DDX11: variants seen among roughly 807,000 people sequenced by gnomAD.
The protein encoded by DDX11 is DEAD/H-box helicase 11, also known as ATP-dependent DNA helicase DDX11.
In DDX11, 72 loss-of-function variants were observed where a neutral mutation model predicts 125.2. The observed-to-expected ratio is 0.58, with a 90% CI of 0.48 to 0.70. DDX11 has a LOEUF of 0.70. Ranked by LOEUF, DDX11 falls within the 30% of genes least tolerant of loss-of-function variation. The pLI is 0.00. For synonymous variants in DDX11, 347 were observed against 452.6 expected, an observed-to-expected ratio of 0.77 and a Z score of 2.96; for missense variants, 883 against 1,165.0, an observed-to-expected ratio of 0.76 and a Z score of 3.52.
chr12:31,092,568 CT>C (rs5797399), intron 10 of DDX11, among the ~76,000 whole-genome samples: 81,179 of 151,158 alleles, frequency 0.54, 23,029 homozygotes, highest in East Asian at 0.82. Flanking sequence ...CCGGTGGAAA[CT>C]TAGCAGGGAG....
intron 18 of DDX11, among the ~76,000 whole-genome samples, chr12:31,100,058 G>A (rs1305761598): frequency 6.6e-6 from 1 of 152,206 alleles, no homozygotes; most frequent in Non-Finnish European, 1.5e-5. Context: ...CTCTGGATAG[G>A]CAGGCGCATG....
At chr12:31,092,226 G>A (rs1009529685) in intron 10 of DDX11, among the ~76,000 whole-genome samples, 14 of 151,988 alleles carry the variant, frequency 9.2e-5, no homozygotes, top group African/African-American at 3.4e-4. Context: ...GGACTGAATT[G>A]AGGAATGCTC....
rs138082776 is a variant in DDX11 at position 31,083,987 on chromosome 12, C to G, written c.319C>G (p.Pro107Ala). ...CGAAGGGGCTGCAGGCACCCCGAGG[C>G]CTGCTGGAGAACCGGCCTGGGTTAC... ...SCEGAAGTPR[P>A]AGEPAWVTQF... The change falls in exon 3 of 27, where the codon CCT (proline) becomes GCT (alanine). Residue 107 changes from proline (P) to alanine (A), a missense_variant. Physicochemically the swap from Pro to Ala is conservative, Grantham distance 27. Coordinates refer to ENST00000542838, the MANE Select transcript of DDX11 (RefSeq NM_030653.4). The G allele has an allele frequency of 1.9e-6, 3 of 1,613,826 alleles. No individual in the cohort carries two copies. The highest frequency in any genetic ancestry group is 1.7e-6 in the Non-Finnish European group (2 of 1,179,884).
In DDX11 at chr12:31,096,422, G is replaced by A. The variant is rs747256354; in HGVS notation, c.1521+43G>A. The A allele has an allele frequency of 3.3e-5, 54 of 1,612,814 alleles. No individual in the cohort carries two copies. In the East Asian group the frequency reaches 1.2e-3, roughly 35 times the overall value. On this transcript the variant is annotated intron_variant, in intron 15 of 26. Coordinates refer to ENST00000542838, the MANE Select transcript of DDX11 (RefSeq NM_030653.4). Reference sequence around the variant, plus strand: ...GTGGTCCTGAACAAGACCCAGCTGTGCCCCAACCCCCTGCCCTTGCCATGC... The same window carrying A: ...GTGGTCCTGAACAAGACCCAGCTGTACCCCAACCCCCTGCCCTTGCCATGC...
chr12:31,077,539 A>C (rs1463332101), intron 1 of DDX11, among the ~76,000 whole-genome samples: 1 of 152,012 alleles, frequency 6.6e-6, no homozygotes, highest in Non-Finnish European at 1.5e-5. Context: ...AAGCAAACTA[A>C]AGATACTTGT....
At chr12:31,078,237 C>T (rs1262998011) in intron 1 of DDX11, 153 bp from the exon 2 acceptor site, 8 of 1,558,768 alleles carry the variant, frequency 5.1e-6, no homozygotes, top group African/African-American at 1.4e-5. Flanking sequence ...GGACCTGCTG[C>T]GAAGGATGGA....
At chr12:31,097,721 A>G (rs1434664223) in intron 17 of DDX11, among the ~76,000 whole-genome samples, 164 bp from the exon 18 acceptor site, 1 of 147,530 alleles carries the variant, frequency 6.8e-6, no homozygotes, top group African/African-American at 2.5e-5. Context: ...AGTGTGGTCC[A>G]CCTCTGTGGG....
rs760876221 is a variant in DDX11, at chr12:31,096,871, C to T, written c.1643C>T (p.Pro548Leu). The T allele has an allele frequency of 3.1e-6, 5 of 1,614,212 alleles. No individual in the cohort carries two copies. The highest frequency in any genetic ancestry group is 4.2e-6 in the Non-Finnish European group (5 of 1,180,038). The change falls in exon 17 of 27, where the codon CCT becomes CTT. Residue 548 changes from proline (P) to leucine (L), a missense_variant. Coordinates refer to ENST00000542838, the MANE Select transcript of DDX11 (RefSeq NM_030653.4). Reference protein sequence around the residue: ...QPRTTEALAAPADESQASTLR... With the variant: ...QPRTTEALAALADESQASTLR... ...CTGCTCTGTGCAGCTCTTGCAGCCC[C>T]TGCAGACGAGAGTCAGGCCAGCACC...
intron 5 of DDX11, 46 bp from the exon 6 acceptor site, chr12:31,087,892 A>G (rs1171826882): frequency 6.3e-7 from 1 of 1,591,792 alleles, no homozygotes; most frequent in Non-Finnish European, 8.5e-7. Flanking sequence ...CGTTTTGCTG[A>G]GTTTGCTGAG....
At chr12:31,100,866 T>A in intron 19 of DDX11, 159 bp downstream of exon 19, 1 of 1,084,196 alleles carries the variant, frequency 9.2e-7, no homozygotes, top group Non-Finnish European at 1.4e-6. Flanking sequence ...CCTGCTTTGC[T>A]CCCTGCTGCC....
intron 1 of DDX11, 44 bp from the exon 2 acceptor site, chr12:31,078,346 T>G (rs749620384): frequency 2.5e-6 from 4 of 1,603,864 alleles, no homozygotes; most frequent in South Asian, 2.2e-5. Flanking sequence ...CACTTCTTCC[T>G]GGACCATGAG....
chr12:31,088,376 T>G (rs10843880), intron 6 of DDX11, among the ~76,000 whole-genome samples: 80,094 of 151,966 alleles, frequency 0.53, 22,118 homozygotes, highest in East Asian at 0.82. Flanking sequence ...TGTTCTGGGC[T>G]GAAATCTGGG....
chr12:31,091,146 A>AT (rs1246869372), intron 9 of DDX11: 1 of 152,130 alleles, frequency 6.6e-6, no homozygotes, highest in Non-Finnish European at 1.5e-5. Flanking sequence ...CCGATATTTT[A>AT]TTTTTTATAT....
In DDX11 at chr12:31,102,940, G is replaced by A; in HGVS notation, c.2377G>A (p.Val793Met). Residue 793 changes from valine to methionine, a missense_variant, in exon 24 of 27, where the codon GTG becomes ATG. Val to Met is a conservative substitution (Grantham distance 21). Transcript: ENST00000542838. ...INFSDNLGRC[V>M]VMVGMPFPNI... is the part of the protein sequence containing the mutation. Reference sequence around the variant, plus strand: ...GCTCTTGTCTCCCCCGCCCAGGTGTGTGGTGATGGTGGGCATGCCCTTCCC... The same window carrying A: ...GCTCTTGTCTCCCCCGCCCAGGTGTATGGTGATGGTGGGCATGCCCTTCCC... 2 of 1,613,976 alleles carry A rather than the reference G, an allele frequency of 1.2e-6. No individual in the cohort carries two copies. Among genetic ancestry groups the A allele is most frequent in the Non-Finnish European group, 1.7e-6 (2 of 1,179,850 alleles).
chr12:31,087,862 C>T (rs1258731733), intron 5 of DDX11, 76 bp from the exon 6 acceptor site: 91 of 1,538,892 alleles, frequency 5.9e-5, no homozygotes, highest in South Asian at 4.8e-5. Context: ...TCAGCACCAG[C>T]GCTCAGCAGA....
chr12:31,078,660 T>C (rs549992304), intron 2 of DDX11, 123 bp downstream of exon 2: 3 of 1,454,544 alleles, frequency 2.1e-6, no homozygotes, highest in South Asian at 1.2e-5. Flanking sequence ...TCTGTTTATC[T>C]GAGTAATAGT....
At chr12:31,074,957 CTG>C (rs1940492247) in intron 1 of DDX11, among the ~76,000 whole-genome samples, 1 of 152,354 alleles carries the variant, frequency 6.6e-6, no homozygotes, top group African/African-American at 2.4e-5. Flanking sequence ...GAGGACACAA[CTG>C]AGCCCACAAC....
In DDX11 at chr12:31,089,539, G is replaced by A. The variant is rs183006663; in HGVS notation, c.880+49G>A. ...GCCGCAGGTGGTCTGGAGAGAGTGAGGCAGGGGTGGCAGTGACTGAAGACC... is the reference window on the plus strand; with the variant it reads ...GCCGCAGGTGGTCTGGAGAGAGTGAAGCAGGGGTGGCAGTGACTGAAGACC... On this transcript the variant is annotated intron_variant, in intron 8 of 26. Transcript: ENST00000542838. 9.3e-4 allele frequency: 1,448 copies of A among 1,557,910 alleles called. 4 individuals are homozygous for A. Among genetic ancestry groups the A allele is most frequent in the African/African-American group, 5.1e-3 (373 of 73,544 alleles).
chr12:31,087,700 T>G, intron 5 of DDX11: 1 of 642,802 alleles, frequency 1.6e-6, no homozygotes, highest in Non-Finnish European at 2.8e-6. Context: ...AGACTTGGGT[T>G]GGGGGTGCTG....
Sources: allele counts gnomAD v4.1 joint callset (sites outside exome capture counted in the v4.1 genomes callset), GRCh38; gene constraint gnomAD v4.1.1; transcripts MANE v1.5; gene names NCBI Gene and HGNC (gene_info 2026-07-23, HGNC 2026-07-21).